The following NDST4 variants were observed in gnomAD, a reference collection of about 807,000 sequenced individuals.
The protein encoded by NDST4 is N-heparan sulfate sulfotransferase 4.
A neutral mutation model predicts 100.8 loss-of-function variants in NDST4; 63 were observed. That is an observed-to-expected ratio of 0.62 (90% confidence interval 0.51 to 0.77). NDST4 has a LOEUF of 0.77. NDST4 is among the 30% of genes least tolerant of loss of function. The pLI, the probability that NDST4 is intolerant of heterozygous loss-of-function variation, is 0.00. For missense variants in NDST4, 943 were observed against 1,018.4 expected (o/e 0.93, Z 1.01); for synonymous variants, 377 against 361.8 (o/e 1.04, Z -0.48).
chr4:115,075,624 A>T (rs1051954890), intron 2 of NDST4, among the ~76,000 whole-genome samples: 6 of 152,010 alleles, frequency 3.9e-5, no homozygotes, highest in African/African-American at 1.5e-4. Flanking sequence ...ATCTCTACTT[A>T]AAATACAAAA....
At chr4:114,924,086 A>T (rs530064545) in intron 6 of NDST4, among the ~76,000 whole-genome samples, 1 of 152,140 alleles carries the variant, frequency 6.6e-6, no homozygotes, top group African/African-American at 2.4e-5. Flanking sequence ...TTTCATGAGA[A>T]GACAGAGTTC....
chr4:114,941,638 T>C lies in NDST4; in HGVS notation c.1222-4135A>G, dbSNP rs114583554. Among the ~76,000 whole-genome samples the C allele has an allele frequency of 5.3e-3, 807 of 152,264 alleles. 6 individuals carry two copies. Among genetic ancestry groups the C allele is most frequent in the African/African-American group, 0.017 (695 of 41,544 alleles). ...TCTTGCAAATAAGCAAGTTTTTTTCTAGCAGTGTTTGGTGCCCATTTGCAG... is the reference window on the plus strand; with the variant it reads ...TCTTGCAAATAAGCAAGTTTTTTTCCAGCAGTGTTTGGTGCCCATTTGCAG... On this transcript the variant is annotated intron_variant, in intron 4 of 13. Coordinates refer to ENST00000264363, the MANE Select transcript of NDST4 (RefSeq NM_022569.3).
At chr4:114,872,102 T>C (rs1005036448) in intron 6 of NDST4, among the ~76,000 whole-genome samples, 2 of 152,038 alleles carry the variant, frequency 1.3e-5, no homozygotes, top group African/African-American at 4.8e-5. Flanking sequence ...TGCAGAACTA[T>C]TCCAATGTTA....
intron 13 of NDST4, 65 bp from the exon 14 acceptor site, chr4:114,828,000 T>C (rs1258867750): frequency 2.1e-6 from 3 of 1,454,828 alleles, no homozygotes; most frequent in East Asian, 2.3e-5. Flanking sequence ...TATTGTAATC[T>C]ATATTTCTTA....
At chr4:114,950,040 C>T (rs545135553) in intron 4 of NDST4, among the ~76,000 whole-genome samples, 1 of 152,008 alleles carries the variant, frequency 6.6e-6, no homozygotes, top group East Asian at 1.9e-4. Context: ...ATTAGGAACA[C>T]GGGGAGGTGA....
chr4:114,914,148 G>A (rs1410017620), intron 6 of NDST4, among the ~76,000 whole-genome samples: 1 of 152,012 alleles, frequency 6.6e-6, no homozygotes, highest in African/African-American at 2.4e-5. Flanking sequence ...TGAATTCATG[G>A]AGATAGAGAG....
chr4:115,057,588 C>T (rs1380441420), intron 2 of NDST4, among the ~76,000 whole-genome samples: 2 of 152,030 alleles, frequency 1.3e-5, no homozygotes, highest in African/African-American at 4.8e-5. Flanking sequence ...ATAACTGAAC[C>T]TTAGTTTATA....
At chr4:115,112,594 A>G (rs999257944) in intron 1 of NDST4, among the ~76,000 whole-genome samples, 1 of 151,988 alleles carries the variant, frequency 6.6e-6, no homozygotes, top group African/African-American at 2.4e-5. Context: ...ACTTAAAAAA[A>G]CTATGACAGG....
intron 2 of NDST4, among the ~76,000 whole-genome samples, chr4:115,020,161 G>A (rs1029529385): frequency 3.9e-5 from 6 of 152,096 alleles, no homozygotes; most frequent in African/African-American, 1.4e-4. Context: ...CTCAGAAGAA[G>A]ATCCTAGAAC....
chr4:115,032,432 A>G (rs1410327389), intron 2 of NDST4, among the ~76,000 whole-genome samples: 1 of 152,090 alleles, frequency 6.6e-6, no homozygotes, highest in Non-Finnish European at 1.5e-5. Flanking sequence ...TTATATTAAG[A>G]GGTTACTCTA....
intron 6 of NDST4, among the ~76,000 whole-genome samples, chr4:114,930,555 T>C (rs956128282): frequency 2.0e-5 from 3 of 152,194 alleles, no homozygotes; most frequent in African/African-American, 7.2e-5. Flanking sequence ...GTATGTGAAT[T>C]ATCTAATGTA....
chr4:115,063,076 G>A (rs1395681305), intron 2 of NDST4, among the ~76,000 whole-genome samples: 3 of 151,916 alleles, frequency 2.0e-5, no homozygotes, highest in Admixed American at 6.6e-5. Flanking sequence ...AAAAAGTGAC[G>A]TGATTGGAAA....
intron 2 of NDST4, among the ~76,000 whole-genome samples, chr4:114,987,916 C>G (rs899047278): frequency 6.6e-6 from 1 of 152,044 alleles, no homozygotes; most frequent in Non-Finnish European, 1.5e-5. Flanking sequence ...ATATAGTTTC[C>G]TACTTATTAT....
At chr4:114,885,009 C>T (rs1724449412) in intron 6 of NDST4, among the ~76,000 whole-genome samples, 1 of 152,040 alleles carries the variant, frequency 6.6e-6, no homozygotes, top group Non-Finnish European at 1.5e-5. Context: ...TGTATTTCAC[C>T]ATTTTCCCTC....
rs79751127 is a variant in NDST4, at chr4:115,074,699, G to T, written c.978+1360C>A. On this transcript the variant is annotated intron_variant, in intron 2 of 13. Coordinates refer to ENST00000264363, the MANE Select transcript of NDST4 (RefSeq NM_022569.3). ...TTTTAAAAAGTGAACTTATTCTACT[G>T]CTTTCAATCATTTTGCTTTACAGTG... 8.2e-3 allele frequency among the ~76,000 whole-genome samples: 1,252 copies of T among 152,080 alleles called. 21 individuals carry two copies. Among genetic ancestry groups the T allele is most frequent in the African/African-American group, 0.028 (1,166 of 41,512 alleles).
At position 114,970,553 on chromosome 4, in the gene NDST4, A is replaced by G; in HGVS notation, c.1098T>C (p.Leu366=). The G allele has an allele frequency of 1.2e-6, 2 of 1,613,962 alleles. No homozygotes were observed. Among genetic ancestry groups the G allele is most frequent in the Non-Finnish European group, 1.7e-6 (2 of 1,179,878 alleles). The change falls in exon 4 of 14, where the codon CTT becomes CTC. Residue 366 remains leucine (L), a synonymous_variant. Transcript: ENST00000264363. ...AGAACTCATCCACAGACCGAAGTAA[A>G]AGGTCATCTCCTTCATCTTCCTCTT... ...GTEEEDEGDD[L]LLRSVDEFWW... is the part of the protein sequence containing the mutation.
At chr4:114,959,980 A>G (rs1279318593) in intron 4 of NDST4, among the ~76,000 whole-genome samples, 1 of 152,228 alleles carries the variant, frequency 6.6e-6, no homozygotes, top group Non-Finnish European at 1.5e-5. Context: ...ATCCATATGC[A>G]GATATATCAT....
intron 6 of NDST4, among the ~76,000 whole-genome samples, chr4:114,890,156 G>A (rs576564722): frequency 7.3e-5 from 11 of 149,876 alleles, no homozygotes; most frequent in African/African-American, 2.8e-4. Flanking sequence ...ATTGTTAGTA[G>A]TTAACAATTT....
At chr4:114,888,518 A>G (rs562082562) in intron 6 of NDST4, among the ~76,000 whole-genome samples, 4 of 152,320 alleles carry the variant, frequency 2.6e-5, no homozygotes, top group African/African-American at 9.6e-5. Flanking sequence ...CTGCCTTATA[A>G]TGCTCATTTA....
Sources: allele counts gnomAD v4.1 joint callset (sites outside exome capture counted in the v4.1 genomes callset), GRCh38; gene constraint gnomAD v4.1.1; transcripts MANE v1.5; gene names NCBI Gene and HGNC (gene_info 2026-07-23, HGNC 2026-07-21).